The following PIBF1 variants were observed in gnomAD, a reference collection of about 807,000 sequenced individuals.
PIBF1 encodes the protein progesterone-induced-blocking factor 1.
PIBF1 carries 90 observed loss-of-function variants against 112.5 expected under a neutral mutation model. The ratio of observed to expected loss-of-function variants is 0.80; its 90% CI spans 0.67 to 0.95. The LOEUF (loss-of-function observed/expected upper bound fraction) is 0.95, where lower values mean the gene tolerates loss of function less well. PIBF1 is among the 40% of genes least tolerant of loss of function. The probability of loss-of-function intolerance (pLI) is 0.00; values close to 1 mark genes in which losing one functional copy is unlikely to be tolerated. For missense variants in PIBF1, 915 were observed against 852.3 expected, an observed-to-expected ratio of 1.07 and a Z score of -0.92; for synonymous variants, 301 against 288.6, an observed-to-expected ratio of 1.04 and a Z score of -0.44.
intron 14 of PIBF1, among the ~76,000 whole-genome samples, chr13:72,951,847 G>A (rs573201854): frequency 1.2e-4 from 18 of 151,988 alleles, no homozygotes; most frequent in African/African-American, 2.2e-4. Context: ...GACTACAGGC[G>A]TGCACCACCA....
intron 11 of PIBF1, among the ~76,000 whole-genome samples, chr13:72,901,280 A>C (rs1170991151): frequency 3.3e-5 from 5 of 152,220 alleles, no homozygotes; most frequent in Non-Finnish European, 1.5e-5. Context: ...GAAGATATAC[A>C]AATGGCAAGT....
At chr13:72,869,639 TAAAA>T (rs1223503919) in intron 10 of PIBF1, among the ~76,000 whole-genome samples, 1 of 151,352 alleles carries the variant, frequency 6.6e-6, no homozygotes, top group Non-Finnish European at 1.5e-5. Flanking sequence ...AAATAAATAA[TAAAA>T]AAATAAAAAA....
At chr13:72,859,728 A>G (rs1363472092) in intron 10 of PIBF1, among the ~76,000 whole-genome samples, 1 of 152,198 alleles carries the variant, frequency 6.6e-6, no homozygotes, top group African/African-American at 2.4e-5. Context: ...AATGACCTGC[A>G]TGGTTTCAAT....
At chr13:72,803,383 T>C (rs940741432) in intron 5 of PIBF1, among the ~76,000 whole-genome samples, 5 of 152,042 alleles carry the variant, frequency 3.3e-5, no homozygotes, top group African/African-American at 1.2e-4. Context: ...TAACCAACAG[T>C]GTAGGTAGTA....
intron 10 of PIBF1, among the ~76,000 whole-genome samples, chr13:72,885,338 G>T (rs189323779): frequency 7.9e-5 from 12 of 152,018 alleles, no homozygotes; most frequent in African/African-American, 2.7e-4. Flanking sequence ...TAATTCACTG[G>T]TTTTTTCATA....
chr13:72,936,604 A>G (rs561195278), intron 14 of PIBF1, among the ~76,000 whole-genome samples: 2 of 152,308 alleles, frequency 1.3e-5, no homozygotes, highest in African/African-American at 2.4e-5. Flanking sequence ...TTGAGAAACA[A>G]TCATTTATGT....
chr13:72,864,180 G>C (rs1343774732), intron 10 of PIBF1, among the ~76,000 whole-genome samples: 5 of 152,178 alleles, frequency 3.3e-5, no homozygotes, highest in Admixed American at 1.3e-4. Flanking sequence ...ATTTAAGTGT[G>C]TGACTCATAA....
chr13:72,994,384 A>G (rs1164936959), intron 16 of PIBF1, among the ~76,000 whole-genome samples: 1 of 152,204 alleles, frequency 6.6e-6, no homozygotes, highest in Admixed American at 6.5e-5. Context: ...GGAAAAAAAT[A>G]TTTGTTGGAA....
At chr13:72,994,271 AAAC>A (rs2043576641) in intron 16 of PIBF1, among the ~76,000 whole-genome samples, 1 of 152,236 alleles carries the variant, frequency 6.6e-6, no homozygotes, top group South Asian at 2.1e-4. Context: ...TAATCTCAGC[AAAC>A]AACACGATTA....
chr13:72,986,070 G>A (rs2043280164), intron 16 of PIBF1, among the ~76,000 whole-genome samples: 1 of 152,070 alleles, frequency 6.6e-6, no homozygotes, highest in African/African-American at 2.4e-5. Flanking sequence ...GGCTGAGGTG[G>A]GAGGACCACT....
At chr13:72,948,668 A>G (rs2042213676) in intron 14 of PIBF1, among the ~76,000 whole-genome samples, 1 of 152,234 alleles carries the variant, frequency 6.6e-6, no homozygotes, top group Non-Finnish European at 1.5e-5. Context: ...TGAGACTGCT[A>G]TCTATAAAAG....
At chr13:72,882,876 T>C (rs1028837025) in intron 10 of PIBF1, among the ~76,000 whole-genome samples, 2 of 152,196 alleles carry the variant, frequency 1.3e-5, no homozygotes, top group African/African-American at 2.4e-5. Flanking sequence ...GGAGAACAGT[T>C]TGGAGGTTCC....
intron 16 of PIBF1, among the ~76,000 whole-genome samples, chr13:72,998,356 G>A (rs2043747892): frequency 6.6e-6 from 1 of 151,972 alleles, no homozygotes; most frequent in African/African-American, 2.4e-5. Flanking sequence ...TGCGCCTGTA[G>A]TCCCAGCTAC....
chr13:72,787,006 T>C (rs1018526432), intron 2 of PIBF1, among the ~76,000 whole-genome samples: 2 of 152,286 alleles, frequency 1.3e-5, no homozygotes, highest in Admixed American at 6.5e-5. Flanking sequence ...ATTTTAGAGA[T>C]GTTAAAATGT....
intron 5 of PIBF1, among the ~76,000 whole-genome samples, chr13:72,818,540 T>A (rs2036396544): frequency 6.6e-6 from 1 of 152,080 alleles, no homozygotes; most frequent in South Asian, 2.1e-4. Context: ...AACATCTTAT[T>A]TCCTATATTT....
At chr13:72,972,003 C>CATTTATTTATTTATTT (rs67353309) in intron 15 of PIBF1, among the ~76,000 whole-genome samples, 23 of 138,784 alleles carry the variant, frequency 1.7e-4, no homozygotes, top group East Asian at 4.2e-4. Flanking sequence ...TAGTGGCTTT[C>CATTTATTTATTTATTT]ATTTATTTAT....
chr13:72,935,876 GTTGT>G (rs756548640), intron 14 of PIBF1, among the ~76,000 whole-genome samples: 26 of 151,952 alleles, frequency 1.7e-4, no homozygotes, highest in Non-Finnish European at 2.6e-4. Context: ...GTTTTATCAG[GTTGT>G]TTGTCCTCTT....
intron 10 of PIBF1, among the ~76,000 whole-genome samples, chr13:72,868,313 G>GAAA (rs76699229): frequency 2.1e-4 from 26 of 124,956 alleles, no homozygotes; most frequent in Non-Finnish European, 2.1e-4. Flanking sequence ...TATTAAAAAA[G>GAAA]AAAAAAAAAA....
chr13:72,795,687 G>A, intron 4 of PIBF1, 130 bp downstream of exon 4: 1 of 616,190 alleles, frequency 1.6e-6, no homozygotes, highest in East Asian at 3.0e-5. Flanking sequence ...GGTGAATGGT[G>A]TTGAGATCCA....
Sources: gnomAD v4.1 joint callset for allele counts (sites outside exome capture counted in the v4.1 genomes callset) on GRCh38, gnomAD v4.1.1 for gene constraint, MANE v1.5 for transcripts, NCBI Gene and HGNC (gene_info 2026-07-23, HGNC 2026-07-21) for gene names.